CCDC18: variants seen among roughly 807,000 people sequenced by gnomAD.
The protein encoded by CCDC18 is coiled-coil domain-containing protein 18.
A neutral mutation model predicts 196.0 loss-of-function variants in CCDC18; 157 were observed. The observed-to-expected ratio is 0.80, with a 90% confidence interval of 0.70 to 0.91. The LOEUF (loss-of-function observed/expected upper bound fraction) is 0.91. Among genes scored for constraint, CCDC18 ranks in the 40% least tolerant of loss-of-function variants. The pLI is 0.00. For synonymous variants in CCDC18, 482 were observed against 529.2 expected (o/e 0.91, Z 1.22); for missense variants, 1,465 against 1,611.6 (o/e 0.91, Z 1.56).
chr1:93,262,036 G>A (rs1281770342), intron 26 of CCDC18: 1 of 152,082 alleles, frequency 6.6e-6, no homozygotes, highest in East Asian at 1.9e-4. Context: ...GTGTGTAAAT[G>A]CCACACTTTT....
chr1:93,207,485 C>A, intron 9 of CCDC18, 87 bp downstream of exon 9: 2 of 930,170 alleles, frequency 2.2e-6, no homozygotes, highest in Non-Finnish European at 3.1e-6. Flanking sequence ...GCTTTATTAG[C>A]TTCTAATTTC....
intron 21 of CCDC18, among the ~76,000 whole-genome samples, chr1:93,243,017 G>A (rs544603802): frequency 5.9e-5 from 9 of 152,300 alleles, no homozygotes; most frequent in African/African-American, 2.2e-4. Context: ...AGCTGTCAGT[G>A]CATCTGTTAT....
intron 26 of CCDC18, among the ~76,000 whole-genome samples, chr1:93,264,016 A>T (rs1319058916): frequency 6.6e-6 from 1 of 152,168 alleles, no homozygotes; most frequent in Non-Finnish European, 1.5e-5. Context: ...TAATTGACTC[A>T]CAGTTCCACA....
Position 93,192,105 on chromosome 1 carries a change from A to G in CCDC18, c.568A>G (p.Arg190Gly). 1 of 1,581,414 alleles carries G rather than the reference A, an allele frequency of 6.3e-7. No homozygotes were observed. Among genetic ancestry groups the G allele is most frequent in the Non-Finnish European group, 8.7e-7 (1 of 1,151,212 alleles). ...AEVSAQDKVL[R>G]EAENKLEQSQ... ...GGTTTCAGCTCAAGATAAAGTTTTG[A>G]GGTAAATATACTTTTTATAGCTCTC... is the stretch of plus-strand genomic sequence containing the variant. Residue 190 changes from arginine (R) to glycine (G), a missense_variant and splice_region_variant, in exon 5 of 29, where the codon AGA becomes GGA. Physicochemically the swap from Arg to Gly is moderately radical, Grantham distance 125 (BLOSUM62 -2). Transcript: ENST00000690025.
intron 25 of CCDC18, among the ~76,000 whole-genome samples, chr1:93,258,206 T>A (rs12144249): frequency 3.3e-5 from 5 of 151,934 alleles, no homozygotes; most frequent in Non-Finnish European, 5.9e-5. Flanking sequence ...GTGTTTCTAA[T>A]TGGATAGCAA....
chr1:93,246,640 AG>A (rs1362919188), intron 22 of CCDC18, among the ~76,000 whole-genome samples, 197 bp from the exon 23 acceptor site: 1 of 152,212 alleles, frequency 6.6e-6, no homozygotes, highest in East Asian at 1.9e-4. Context: ...CTCATGAGCC[AG>A]TATTAGTAAA....
At chr1:93,259,411 C>CT (rs926445980) in intron 26 of CCDC18, among the ~76,000 whole-genome samples, 4 of 152,126 alleles carry the variant, frequency 2.6e-5, no homozygotes, top group Admixed American at 6.6e-5. Context: ...GTATTATTGA[C>CT]TAGAATAGCA....
At position 93,264,902 on chromosome 1, in the gene CCDC18, G is replaced by C. The variant is rs555087097; in HGVS notation, c.3885+1G>C. On this transcript the variant is annotated splice_donor_variant, in intron 27 of 28. Transcript: ENST00000690025. LOFTEE classifies it high-confidence loss of function. ...TGCAAATGAAGCATTACTTACTAAAGTAAGTAAACATATAAAAGTAATAAA... is the reference window on the plus strand; with the variant it reads ...TGCAAATGAAGCATTACTTACTAAACTAAGTAAACATATAAAAGTAATAAA... 2.5e-6 allele frequency: 4 copies of C among 1,578,814 alleles called. No individual in the cohort carries two copies. The highest frequency in any genetic ancestry group is 3.5e-6 in the Non-Finnish European group (4 of 1,148,392).
At chr1:93,183,585 ACC>A in intron 2 of CCDC18, 90 bp downstream of exon 2, 1 of 909,128 alleles carries the variant, frequency 1.1e-6, no homozygotes, top group Non-Finnish European at 1.6e-6. Flanking sequence ...ATTGTTTCTA[ACC>A]TGCCTCTGGA....
At position 93,239,641 on chromosome 1, in the gene CCDC18, T is replaced by A. The variant is rs552864169; in HGVS notation, c.2768-42T>A. ...TAATATATACAAAGTTTGTAATAAA[T>A]GGTTTACATATAGTTATAAAATTAT... On this transcript the variant is annotated intron_variant, in intron 20 of 28. Transcript: ENST00000690025. The A allele has an allele frequency of 5.5e-5, 78 of 1,428,142 alleles. No homozygotes were observed. The East Asian group carries it at 1.7e-3, about 32-fold the overall frequency. 88.5% of individuals were successfully genotyped at this position (1,428,142 alleles called of 1,614,324 possible). A position where few individuals can be genotyped will look rare whatever the true frequency, so the allele number is the denominator to read the frequency against.
At chr1:93,181,007 G>A in intron 1 of CCDC18, 155 bp downstream of exon 1, 1 of 680,338 alleles carries the variant, frequency 1.5e-6, no homozygotes, top group Non-Finnish European at 2.2e-6. Flanking sequence ...GCTCTGAACG[G>A]TTGTATTTTA....
chr1:93,234,266 A>G (rs913680958), intron 18 of CCDC18, among the ~76,000 whole-genome samples: 7 of 151,458 alleles, frequency 4.6e-5, no homozygotes, highest in African/African-American at 1.7e-4. Flanking sequence ...GGTTCAAGTG[A>G]TTCTCCTGCC....
At position 93,264,214 on chromosome 1, in the gene CCDC18, C is replaced by A. The variant is rs190256468; in HGVS notation, c.3685-487C>A. 1.6e-4 allele frequency among the ~76,000 whole-genome samples: 24 copies of A among 152,232 alleles called. 1 individual carries two copies. Among genetic ancestry groups the A allele is most frequent in the Admixed American group, 1.5e-3 (23 of 15,296 alleles). The stretch of plus-strand genomic sequence containing the variant: ...GGTGAAACCATCCCCATGACCCAAT[C>A]ACCTCCCACCAGGTTGCTCCTTTGA... On this transcript the variant is annotated intron_variant, in intron 26 of 28. Coordinates refer to ENST00000690025, the MANE Select transcript of CCDC18 (RefSeq NM_001378204.1).
Position 93,242,999 on chromosome 1 carries a change from A to ATGGT in CCDC18, c.2981+3104_2982-3102dup, listed in dbSNP as rs1412401917. On this transcript the variant is annotated intron_variant, in intron 21 of 28. Transcript: ENST00000690025. ...GAGTATCTGTGGCTTTTCCAGGCTC[A>ATGGT]TGGTGCAAGCTGTCAGTGCATCTGT... 2.6e-5 allele frequency among the ~76,000 whole-genome samples: 4 copies of ATGGT among 152,278 alleles called. No individual in the cohort carries two copies. The East Asian group carries it at 7.7e-4, about 29-fold the overall frequency.
chr1:93,190,746 C>G (rs1045487934), intron 4 of CCDC18: 4 of 554,548 alleles, frequency 7.2e-6, no homozygotes, highest in Admixed American at 2.8e-5. Context: ...ACACTTAGAA[C>G]TGGGTCACTT....
chr1:93,193,837 A>T (rs900978059), intron 6 of CCDC18, 93 bp downstream of exon 6: 1 of 953,306 alleles, frequency 1.0e-6, no homozygotes, highest in Non-Finnish European at 1.5e-6. Flanking sequence ...AAGTGAAAAA[A>T]TTTCAGAGAT....
At chr1:93,227,963 A>ATATATATATATATAT (rs1658646136) in intron 17 of CCDC18, among the ~76,000 whole-genome samples, 1 of 116,574 alleles carries the variant, frequency 8.6e-6, no homozygotes, top group Non-Finnish European at 1.6e-5. Context: ...ATCTCAAAAA[A>ATATATATATATATAT]AAAAAAAAAT....
intron 25 of CCDC18, among the ~76,000 whole-genome samples, chr1:93,258,181 T>G (rs533924757): frequency 7.9e-5 from 12 of 151,994 alleles, no homozygotes; most frequent in African/African-American, 2.9e-4. Flanking sequence ...CTACCATATT[T>G]TATAACAATT....
chr1:93,259,238 A>T (rs1663452731), intron 26 of CCDC18, among the ~76,000 whole-genome samples: 1 of 152,224 alleles, frequency 6.6e-6, no homozygotes, highest in Admixed American at 6.5e-5. Context: ...TTTGTAAAAG[A>T]TTAACTGGAA....
Sources: allele counts gnomAD v4.1 joint callset (sites outside exome capture counted in the v4.1 genomes callset), GRCh38; gene constraint gnomAD v4.1.1; transcripts MANE v1.5; gene names NCBI Gene and HGNC (gene_info 2026-07-23, HGNC 2026-07-21).